Variants in NDRG1 observed in about 807,000 individuals in gnomAD.
NDRG1 encodes protein NDRG1.
NDRG1 carries 32 observed loss-of-function variants against 56.9 expected under a neutral mutation model. The ratio of observed to expected loss-of-function variants is 0.56; its 90% CI spans 0.42 to 0.76. The LOEUF is 0.76. Ranked by LOEUF, NDRG1 falls within the 30% of genes least tolerant of loss-of-function variation. The pLI, the probability that NDRG1 is intolerant of heterozygous loss-of-function variation, is 0.00. For missense variants in NDRG1, 507 were observed against 545.7 expected (o/e 0.93, Z 0.71); for synonymous variants, 211 against 204.1 (o/e 1.03, Z -0.29).
chr8:133,291,458 T>C (rs1037067187), intron 1 of NDRG1, among the ~76,000 whole-genome samples: 3 of 152,172 alleles, frequency 2.0e-5, no homozygotes, highest in Non-Finnish European at 4.4e-5. Context: ...GAAGTCAAGC[T>C]ACAAAGCAGT....
chr8:133,296,858 C>T (rs997989752), intron 1 of NDRG1: 13 of 233,334 alleles, frequency 5.6e-5, no homozygotes, highest in Non-Finnish European at 8.1e-5. Flanking sequence ...GCCCCCTTCC[C>T]GACCTCCAGA....
At chr8:133,290,880 G>A (rs1858392163) in intron 1 of NDRG1, among the ~76,000 whole-genome samples, 1 of 152,204 alleles carries the variant, frequency 6.6e-6, no homozygotes, top group South Asian at 2.1e-4. Context: ...GCTCCTCAAG[G>A]AGGTTGCCCC....
intron 8 of NDRG1, 108 bp from the exon 9 acceptor site, chr8:133,254,703 C>A (rs916338599): frequency 1.9e-5 from 21 of 1,097,018 alleles, no homozygotes; most frequent in East Asian, 5.1e-5. Flanking sequence ...TGGACTCCCC[C>A]CTACATGCAG....
intron 1 of NDRG1, chr8:133,296,756 C>A: frequency 4.3e-6 from 1 of 230,858 alleles, no homozygotes; most frequent in Non-Finnish European, 9.3e-6. Flanking sequence ...TCTGCACCCA[C>A]GTCCAGCGCG....
chr8:133,249,977 G>A (rs1855921266), intron 10 of NDRG1, among the ~76,000 whole-genome samples: 1 of 152,126 alleles, frequency 6.6e-6, no homozygotes, highest in Admixed American at 6.5e-5. Flanking sequence ...AGCACCTAGT[G>A]CTGGTTGAGA....
chr8:133,257,725 AT>A (rs1856456519), intron 7 of NDRG1, among the ~76,000 whole-genome samples: 1 of 152,200 alleles, frequency 6.6e-6, no homozygotes, highest in South Asian at 2.1e-4. Flanking sequence ...AGTTGAGACC[AT>A]TTTTAATTTG....
chr8:133,272,948 T>C (rs1167907734), intron 3 of NDRG1, among the ~76,000 whole-genome samples: 1 of 152,200 alleles, frequency 6.6e-6, no homozygotes, highest in African/African-American at 2.4e-5. Context: ...TGTGAGCTGG[T>C]CCGCTTCCAA....
chr8:133,256,388 T>G (rs544599483), intron 8 of NDRG1, among the ~76,000 whole-genome samples: 66 of 152,324 alleles, frequency 4.3e-4, no homozygotes, highest in Admixed American at 1.4e-3. Context: ...TTCCTAAGAT[T>G]CATTCCTAGA....
intron 3 of NDRG1, among the ~76,000 whole-genome samples, chr8:133,268,288 C>T (rs1857016392): frequency 6.6e-6 from 1 of 152,110 alleles, no homozygotes; most frequent in African/African-American, 2.4e-5. Context: ...CTTGGATTGG[C>T]CATGAGATGC....
At chr8:133,296,736 C>CACACACA (rs1858797015) in intron 1 of NDRG1, 1 of 281,674 alleles carries the variant, frequency 3.6e-6, no homozygotes, top group South Asian at 2.6e-5. Flanking sequence ...CACACACTCA[C>CACACACA]CTAGTCCCTT....
intron 14 of NDRG1, among the ~76,000 whole-genome samples, chr8:133,243,146 C>T (rs969218500): frequency 6.6e-6 from 1 of 152,184 alleles, no homozygotes; most frequent in Admixed American, 6.5e-5. Flanking sequence ...TGACCCCCCT[C>T]CCTGCTCTCC....
intron 3 of NDRG1, among the ~76,000 whole-genome samples, chr8:133,275,999 G>A (rs1183989609): frequency 6.6e-6 from 1 of 152,218 alleles, no homozygotes; most frequent in Non-Finnish European, 1.5e-5. Flanking sequence ...CTAATGCCAG[G>A]CACAAAGTGG....
At chr8:133,271,655 C>CT (rs1291385743) in intron 3 of NDRG1, among the ~76,000 whole-genome samples, 1 of 151,804 alleles carries the variant, frequency 6.6e-6, no homozygotes, top group African/African-American at 2.4e-5. Context: ...TGGCTCACGC[C>CT]TATAGTCCCA....
intron 12 of NDRG1, among the ~76,000 whole-genome samples, chr8:133,247,388 C>T (rs762134110): frequency 3.3e-4 from 50 of 152,216 alleles, no homozygotes; most frequent in Non-Finnish European, 6.9e-4. Flanking sequence ...CTTCCATCTC[C>T]CCAGCTGTGG....
intron 3 of NDRG1, among the ~76,000 whole-genome samples, chr8:133,276,999 TAAAAAGG>T (rs1857488926): frequency 6.6e-6 from 1 of 152,114 alleles, no homozygotes; most frequent in South Asian, 2.1e-4. Flanking sequence ...GATTCAGCCT[TAAAAAGG>T]AAGGAAATGC....
At chr8:133,270,179 C>T (rs1563632287) in intron 3 of NDRG1, among the ~76,000 whole-genome samples, 2 of 152,270 alleles carry the variant, frequency 1.3e-5, no homozygotes, top group Admixed American at 1.3e-4. Context: ...ACAGTCTACA[C>T]TGCCTATATG....
rs76569722 is a variant in NDRG1 at position 133,254,493 on chromosome 8, G to A, written c.594+46C>T. 2,495 of 1,607,332 alleles carry A rather than the reference G, an allele frequency of 1.6e-3. 30 individuals are homozygous for A. In the African/African-American group the frequency reaches 0.029, roughly 19 times the overall value. On this transcript the variant is annotated intron_variant, in intron 9 of 15. Transcript: ENST00000323851. ...GGCCCTGTGCTGAGCACCACACAAT[G>A]CCTTGCTCAGCAGGAACAACAGATT...
chr8:133,294,675 G>GC (rs11423129), intron 1 of NDRG1, among the ~76,000 whole-genome samples: 15,158 of 152,016 alleles, frequency 0.1, 818 homozygotes, highest in African/African-American at 0.12. Flanking sequence ...CTGTCATGGG[G>GC]GGGGGGCAGC....
intron 6 of NDRG1, 59 bp from the exon 7 acceptor site, chr8:133,258,485 G>A (rs1303896133): frequency 6.5e-6 from 10 of 1,547,120 alleles, no homozygotes; most frequent in Non-Finnish European, 8.8e-6. Context: ...AGCCTCCAAG[G>A]ACCCACTTAG....
Sources: gnomAD v4.1 joint callset for allele counts (sites outside exome capture counted in the v4.1 genomes callset) on GRCh38, gnomAD v4.1.1 for gene constraint, MANE v1.5 for transcripts, NCBI Gene and HGNC (gene_info 2026-07-23, HGNC 2026-07-21) for gene names.